The following AGK variants were observed in gnomAD, a reference collection of about 807,000 sequenced individuals.
The protein encoded by AGK is acylglycerol kinase, mitochondrial.
A neutral mutation model predicts 66.4 loss-of-function variants in AGK; 52 were observed. That is an observed-to-expected ratio of 0.78 (90% CI 0.63 to 0.99). The LOEUF is 0.99. Among genes scored for constraint, AGK ranks in the 50% least tolerant of loss-of-function variants. The probability of loss-of-function intolerance (pLI) is 0.00; values close to 1 mark genes in which losing one functional copy is unlikely to be tolerated. For synonymous variants in AGK, 182 were observed against 181.1 expected (o/e 1.00, Z -0.04); for missense variants, 451 against 506.6 (o/e 0.89, Z 1.05).
intron 8 of AGK, 166 bp downstream of exon 8, chr7:141,615,731 C>T (rs1587131228): frequency 1.6e-6 from 1 of 617,756 alleles, no homozygotes; most frequent in South Asian, 2.0e-5. Context: ...GGGAAGTCTC[C>T]CAACTTGGTT....
intron 8 of AGK, among the ~76,000 whole-genome samples, chr7:141,619,632 C>T (rs2116971234): frequency 6.6e-6 from 1 of 151,422 alleles, no homozygotes; most frequent in Non-Finnish European, 1.5e-5. Context: ...TTAAATCTAC[C>T]ATGAGATGCC....
chr7:141,614,632 G>A (rs1587129911), intron 7 of AGK, among the ~76,000 whole-genome samples: 1 of 146,758 alleles, frequency 6.8e-6, no homozygotes, highest in Non-Finnish European at 1.5e-5. Flanking sequence ...ACAATACTAT[G>A]TATGGTTAAT....
intron 3 of AGK, among the ~76,000 whole-genome samples, chr7:141,595,497 A>G (rs1796208798): frequency 1.3e-5 from 2 of 152,228 alleles, no homozygotes; most frequent in South Asian, 4.1e-4. Context: ...AAAGCAAGCA[A>G]TAGACAATAA....
intron 8 of AGK, among the ~76,000 whole-genome samples, chr7:141,619,058 A>C (rs1796767917): frequency 6.6e-6 from 1 of 152,130 alleles, no homozygotes; most frequent in Admixed American, 6.6e-5. Flanking sequence ...AAGAAGACCT[A>C]AGTAAATAGA....
chr7:141,570,191 G>C (rs942398059), intron 2 of AGK, among the ~76,000 whole-genome samples: 8 of 151,998 alleles, frequency 5.3e-5, no homozygotes, highest in Admixed American at 4.6e-4. Context: ...TTTGAGACCA[G>C]CCTGGCCAAC....
intron 5 of AGK, among the ~76,000 whole-genome samples, chr7:141,610,558 G>T (rs1016805567): frequency 6.6e-6 from 1 of 152,128 alleles, no homozygotes; most frequent in African/African-American, 2.4e-5. Flanking sequence ...AATCCTACCT[G>T]TATTTCTTTA....
At chr7:141,650,097 C>T (rs1056581822) in intron 14 of AGK, among the ~76,000 whole-genome samples, 3 of 152,238 alleles carry the variant, frequency 2.0e-5, no homozygotes, top group Non-Finnish European at 2.9e-5. Context: ...AGCTCCCTCT[C>T]GTGCCCATTT....
intron 8 of AGK, 75 bp downstream of exon 8, chr7:141,615,640 A>G: frequency 8.5e-7 from 1 of 1,177,932 alleles, no homozygotes; most frequent in East Asian, 2.3e-5. Context: ...TGTATGCTAT[A>G]ACTTTCTTGA....
chr7:141,642,415 A>G (rs566137444), intron 13 of AGK, among the ~76,000 whole-genome samples: 1 of 152,322 alleles, frequency 6.6e-6, no homozygotes, highest in African/African-American at 2.4e-5. Context: ...GGCTAGTTAA[A>G]TTTAAATTAA....
At chr7:141,626,865 A>G (rs1368871004) in intron 9 of AGK, among the ~76,000 whole-genome samples, 1 of 152,214 alleles carries the variant, frequency 6.6e-6, no homozygotes, top group African/African-American at 2.4e-5. Flanking sequence ...ACTATATCTT[A>G]AATATTATGT....
intron 2 of AGK, among the ~76,000 whole-genome samples, chr7:141,589,774 G>T (rs2116915176): frequency 6.6e-6 from 1 of 152,206 alleles, no homozygotes. Flanking sequence ...TGGTCAAGCT[G>T]GTCTCGAACT....
chr7:141,592,492 A>G (rs1407291575), intron 2 of AGK, among the ~76,000 whole-genome samples: 1 of 152,184 alleles, frequency 6.6e-6, no homozygotes, highest in African/African-American at 2.4e-5. Context: ...ACGATCTCCC[A>G]TGTCAGGGTC....
chr7:141,607,385 A>G (rs1014600534), intron 5 of AGK, among the ~76,000 whole-genome samples: 2 of 152,128 alleles, frequency 1.3e-5, no homozygotes, highest in Non-Finnish European at 2.9e-5. Context: ...TTAATTTGCA[A>G]TTCCCTAATG....
At chr7:141,652,737 A>G (rs1797592098) in intron 15 of AGK, 50 bp from the exon 16 acceptor site, 1 of 1,597,048 alleles carries the variant, frequency 6.3e-7, no homozygotes, top group African/African-American at 1.3e-5. Flanking sequence ...CTCCAACTCC[A>G]GTAGGCCACT....
chr7:141,650,490 T>C (rs1490635262), intron 14 of AGK: 1 of 985,272 alleles, frequency 1.0e-6, no homozygotes, highest in African/African-American at 1.7e-5. Context: ...AATCAAGTAA[T>C]GTCTGTTTCC....
At chr7:141,586,341 G>A (rs1349183650) in intron 2 of AGK, among the ~76,000 whole-genome samples, 2 of 152,102 alleles carry the variant, frequency 1.3e-5, no homozygotes, top group African/African-American at 2.4e-5. Context: ...AAACATCCCC[G>A]CTCATCTGTG....
At chr7:141,587,176 C>A (rs1325562019) in intron 2 of AGK, among the ~76,000 whole-genome samples, 1 of 152,206 alleles carries the variant, frequency 6.6e-6, no homozygotes, top group African/African-American at 2.4e-5. Flanking sequence ...TGACCCCTCA[C>A]CTTTTCTTTA....
intron 3 of AGK, 185 bp downstream of exon 3, chr7:141,593,370 T>G: frequency 1.4e-6 from 1 of 709,448 alleles, no homozygotes; most frequent in Non-Finnish European, 2.6e-6. Context: ...AACCATCTGG[T>G]GAAGAGCAGT....
chr7:141,636,711 T>C (rs1797177673), intron 10 of AGK, among the ~76,000 whole-genome samples: 1 of 152,212 alleles, frequency 6.6e-6, no homozygotes, highest in Non-Finnish European at 1.5e-5. Flanking sequence ...AGGAGCCTGG[T>C]TATATATCTC....
Sources: allele counts gnomAD v4.1 joint callset (sites outside exome capture counted in the v4.1 genomes callset), GRCh38; gene constraint gnomAD v4.1.1; transcripts MANE v1.5; gene names NCBI Gene and HGNC (gene_info 2026-07-23, HGNC 2026-07-21).